CREB3L2: variants seen among roughly 807,000 people sequenced by gnomAD.
CREB3L2 encodes the protein cAMP responsive element binding protein 3 like 2.
CREB3L2 carries 23 observed loss-of-function variants against 57.2 expected under a neutral mutation model. The observed-to-expected ratio is 0.40, with a 90% CI of 0.29 to 0.57. The LOEUF is 0.57. Ranked by LOEUF, CREB3L2 falls within the 20% of genes least tolerant of loss-of-function variation. The pLI is 0.42. For missense variants in CREB3L2, 628 were observed against 634.7 expected (o/e 0.99, Z 0.11); for synonymous variants, 268 against 265.1 (o/e 1.01, Z -0.11).
rs575536003 is a variant in CREB3L2, at chr7:137,890,889, A to G, written c.1044-5387T>C. On this transcript the variant is annotated intron_variant, in intron 8 of 11. Coordinates refer to ENST00000330387, the MANE Select transcript of CREB3L2 (RefSeq NM_194071.4). ...AATGGAAAAGTTATTTTTAAACTAC[A>G]GCTATAAAAAGTCAACCGCAGGACA... 1.5e-3 allele frequency among the ~76,000 whole-genome samples: 231 copies of G among 152,344 alleles called. 1 individual carries two copies. Among genetic ancestry groups the G allele is most frequent in the Non-Finnish European group, 2.6e-3 (180 of 68,026 alleles).
At chr7:137,931,624 G>A (rs1218230896) in intron 1 of CREB3L2, among the ~76,000 whole-genome samples, 1 of 151,872 alleles carries the variant, frequency 6.6e-6, no homozygotes, top group African/African-American at 2.4e-5. Flanking sequence ...TTGAGGTCAG[G>A]AGTTCGAGGC....
chr7:137,945,184 C>A (rs1474775026), intron 1 of CREB3L2, among the ~76,000 whole-genome samples: 1 of 152,212 alleles, frequency 6.6e-6, no homozygotes, highest in African/African-American at 2.4e-5. Context: ...CGTGAGCCAC[C>A]ACGCCCAGCC....
At position 137,908,345 on chromosome 7, in the gene CREB3L2, G is replaced by A; in HGVS notation, c.675C>T (p.His225=). ...EGSLSPNPRL[H]PFSLPQTHSP... ...TGTGGGTCTGAGGCAGGCTGAAGGG[G>A]TGCAGGCGTGGGTTGGGACTCAGGC... Residue 225 remains histidine (H), a synonymous_variant, in exon 5 of 12, where the codon CAC becomes CAT. Transcript: ENST00000330387. 7.9e-7 allele frequency: 1 copy of A among 1,258,934 alleles called. No individual in the cohort carries two copies. The highest frequency in any genetic ancestry group is 1.0e-6 in the Non-Finnish European group (1 of 993,250). The allele number at this position is 1,258,934 out of a possible 1,614,324, so 78.0% of individuals were successfully genotyped here.
At chr7:137,897,394 G>T (rs1799650712) in intron 8 of CREB3L2, among the ~76,000 whole-genome samples, 1 of 152,142 alleles carries the variant, frequency 6.6e-6, no homozygotes, top group Non-Finnish European at 1.5e-5. Flanking sequence ...ATTTGAGACA[G>T]AGTCTCGCTC....
At chr7:137,959,815 C>T (rs1395508547) in intron 1 of CREB3L2, among the ~76,000 whole-genome samples, 1 of 152,152 alleles carries the variant, frequency 6.6e-6, no homozygotes. Context: ...AAAGTACGTG[C>T]AATATTTAGA....
At chr7:137,956,334 G>A (rs1306224129) in intron 1 of CREB3L2, among the ~76,000 whole-genome samples, 1 of 152,168 alleles carries the variant, frequency 6.6e-6, no homozygotes, top group Admixed American at 6.5e-5. Flanking sequence ...ATTTACTTTA[G>A]AGAGCATCTC....
intron 1 of CREB3L2, among the ~76,000 whole-genome samples, chr7:137,979,598 C>T (rs1801676878): frequency 6.6e-6 from 1 of 152,030 alleles, no homozygotes; most frequent in South Asian, 2.1e-4. Flanking sequence ...TGGTGGTGGG[C>T]GCCTGTAGTC....
intron 1 of CREB3L2, among the ~76,000 whole-genome samples, chr7:137,935,337 C>T (rs73729527): frequency 0.025 from 3,828 of 152,258 alleles, 137 homozygotes; most frequent in African/African-American, 0.078. Context: ...ACCAGCTTCT[C>T]GCATTGTTCT....
intron 8 of CREB3L2, among the ~76,000 whole-genome samples, chr7:137,887,097 T>C (rs148256451): frequency 6.6e-6 from 1 of 152,324 alleles, no homozygotes; most frequent in Non-Finnish European, 1.5e-5. Context: ...TGTAACAATG[T>C]TAGACAGCCA....
chr7:137,902,803 A>G (rs1230981954), intron 7 of CREB3L2, among the ~76,000 whole-genome samples: 1 of 126,810 alleles, frequency 7.9e-6, no homozygotes, highest in South Asian at 2.4e-4. Flanking sequence ...GTTTTTTTTT[A>G]TTGAGTTGTT....
chr7:137,972,684 C>CAAAAAAAAAAAAAAAAAAAA (rs58627909), intron 1 of CREB3L2, among the ~76,000 whole-genome samples: 1 of 9,666 alleles, frequency 1.0e-4, no homozygotes, highest in Non-Finnish European at 2.3e-4. Context: ...CCCGTCTCTA[C>CAAAAAAAAAAAAAAAAAAAA]AAAAAAAAAA....
chr7:137,955,428 C>A, intron 1 of CREB3L2: 1 of 617,426 alleles, frequency 1.6e-6, no homozygotes, highest in Non-Finnish European at 2.6e-6. Context: ...TTAATCCCCA[C>A]ACGCCAAACT....
chr7:137,908,834 G>A (rs1231092409), intron 4 of CREB3L2, among the ~76,000 whole-genome samples: 32 of 152,144 alleles, frequency 2.1e-4, no homozygotes, highest in African/African-American at 6.8e-4. Flanking sequence ...TTAGCCTGGC[G>A]TGGTGGCACG....
chr7:137,945,174 C>T (rs1423204702), intron 1 of CREB3L2, among the ~76,000 whole-genome samples: 3 of 152,172 alleles, frequency 2.0e-5, no homozygotes, highest in Admixed American at 6.5e-5. Flanking sequence ...GGATTACAGG[C>T]GTGAGCCACC....
Position 137,894,820 on chromosome 7 carries a change from A to C in CREB3L2, c.1043+6534T>G, listed in dbSNP as rs560177384. 2.0e-5 allele frequency among the ~76,000 whole-genome samples: 3 copies of C among 152,354 alleles called. No homozygotes were observed. In the East Asian group the frequency reaches 5.8e-4, roughly 29 times the overall value. ...GTCTAAAGTTGGCTCTTGCTGGGGC[A>C]AGGTCCTTGAAGGAGCAAGAGGTAT... On this transcript the variant is annotated intron_variant, in intron 8 of 11. Transcript: ENST00000330387.
chr7:137,927,657 G>A (rs1690807314), intron 2 of CREB3L2, among the ~76,000 whole-genome samples: 2 of 152,132 alleles, frequency 1.3e-5, no homozygotes, highest in Middle Eastern at 3.4e-3. Context: ...GGGCATGAAA[G>A]GGTAATCAAC....
intron 1 of CREB3L2, among the ~76,000 whole-genome samples, chr7:137,945,877 T>C (rs1800963480): frequency 6.6e-6 from 1 of 152,314 alleles, no homozygotes; most frequent in East Asian, 1.9e-4. Context: ...TAAATCCAAA[T>C]TTCCACCTTG....
chr7:137,966,613 C>T lies in CREB3L2; in HGVS notation c.102+34991G>A, dbSNP rs375732045. On this transcript the variant is annotated intron_variant, in intron 1 of 11. Transcript: ENST00000330387. ...AGATTTTACAAAGAACAGGAAATAA[C>T]ATATTTTGCCTCATGTTCATGCCTC... is the stretch of plus-strand genomic sequence containing the variant. 1.6e-4 allele frequency among the ~76,000 whole-genome samples: 24 copies of T among 152,266 alleles called. No homozygotes were observed. The East Asian group carries it at 1.7e-3, about 11-fold the overall frequency.
At chr7:137,916,438 G>A (rs1217387308) in intron 2 of CREB3L2, among the ~76,000 whole-genome samples, 4 of 152,264 alleles carry the variant, frequency 2.6e-5, no homozygotes, top group South Asian at 4.2e-4. Context: ...AGAAGCAGCC[G>A]GGCACAGTGG....
Sources: gnomAD v4.1 joint callset for allele counts (sites outside exome capture counted in the v4.1 genomes callset) on GRCh38, gnomAD v4.1.1 for gene constraint, MANE v1.5 for transcripts, NCBI Gene and HGNC (gene_info 2026-07-23, HGNC 2026-07-21) for gene names.